Variants in ZNF587B observed in about 807,000 individuals in gnomAD.
The protein encoded by ZNF587B is zinc finger protein 587B.
Under a neutral mutation model 7.2 loss-of-function variants are expected in ZNF587B, and 6 were observed. The ratio of observed to expected loss-of-function variants is 0.83; its 90% CI spans 0.46 to 1.65. The LOEUF is 1.65. ZNF587B is among the 40% of genes most tolerant of loss of function. ZNF587B has a pLI of 0.01. For missense variants in ZNF587B, 749 were observed against 761.0 expected (o/e 0.98, Z 0.19); for synonymous variants, 274 against 254.3 (o/e 1.08, Z -0.74).
Position 57,842,451 on chromosome 19 carries a change from C to G in ZNF587B, c.1777C>G (p.Leu593Val), listed in dbSNP as rs557191025. 2.1e-4 allele frequency: 344 copies of G among 1,602,246 alleles called. No individual in the cohort carries two copies. The highest frequency in any genetic ancestry group is 6.6e-4 in the Admixed American group (38 of 57,908). The change falls in exon 3 of 3, where the codon CTC (leucine) becomes GTC (valine). Residue 593 changes from leucine (L) to valine (V), a missense_variant. Physicochemically the swap from Leu to Val is conservative, Grantham distance 32. Around this residue, in one of 3 missense-constraint regions of ZNF587B, gnomAD observed 656 missense variants for 596.5 expected, o/e 1.10. Coordinates refer to ENST00000594901, the MANE Select transcript of ZNF587B (RefSeq NM_001376223.1). ...CGKSFAGISSLTNHRRVHTGE... is the reference protein window; with the variant it reads ...CGKSFAGISSVTNHRRVHTGE... ...GAAATCTTTTGCTGGAATCTCCAGT[C>G]TCACTAATCACAGGAGAGTTCACAC...
At position 57,840,442 on chromosome 19, in the gene ZNF587B, G is replaced by A. The variant is rs1362174475; in HGVS notation, c.164-396G>A. On this transcript the variant is annotated intron_variant, in intron 2 of 2. Transcript: ENST00000594901. ...TTTGCATAGAGATTTGTGTTAGCAA[G>A]TATATACGCTTTGTTACAAACTGTC... Among the ~76,000 whole-genome samples the A allele has an allele frequency of 1.7e-4, 26 of 152,208 alleles. No individual in the cohort carries two copies. In the East Asian group the frequency reaches 3.3e-3, roughly 19 times the overall value.
chr19:57,831,217 C>G (rs1468003367), intron 1 of ZNF587B, among the ~76,000 whole-genome samples: 3 of 151,988 alleles, frequency 2.0e-5, no homozygotes, highest in Non-Finnish European at 4.4e-5. Context: ...GTCTGGCTCT[C>G]TTATGTAAGG....
Position 57,842,652 on chromosome 19 carries a change from G to C in ZNF587B, c.*76G>C. On this transcript the variant is annotated 3_prime_UTR_variant, in exon 3 of 3. Coordinates refer to ENST00000594901, the MANE Select transcript of ZNF587B (RefSeq NM_001376223.1). ...GTAAGATCTTGTGATTGCAGCAAATGTGGAAAATGTTTACCCAAAAGAAGT... is the reference window on the plus strand; with the variant it reads ...GTAAGATCTTGTGATTGCAGCAAATCTGGAAAATGTTTACCCAAAAGAAGT... 7.4e-7 allele frequency: 1 copy of C among 1,347,680 alleles called. No homozygotes were observed. The highest frequency in any genetic ancestry group is 9.5e-7 in the Non-Finnish European group (1 of 1,052,794). The allele number at this position is 1,347,680 out of a possible 1,614,324, so 83.5% of individuals were successfully genotyped here.
intron 2 of ZNF587B, 120 bp downstream of exon 2, chr19:57,839,269 G>T (rs1600107087): frequency 6.7e-7 from 1 of 1,484,564 alleles, no homozygotes; most frequent in African/African-American, 1.4e-5. Flanking sequence ...CAGTTCTATG[G>T]GTAGGTTCTT....
In ZNF587B at chr19:57,842,206, C is replaced by T. The variant is rs1988888250; in HGVS notation, c.1532C>T (p.Ala511Val). The change falls in exon 3 of 3, where the codon GCA becomes GTA. Residue 511 changes from alanine (A) to valine (V), a missense_variant. Ala to Val is a moderately conservative substitution (Grantham distance 64). Transcript: ENST00000594901. ...KFFRHKCHLT[A>V]HQRVHTGERP... is the part of the protein sequence containing the mutation. Reference sequence around the variant, plus strand: ...TTTAGGCACAAGTGCCACCTCACTGCACACCAGAGAGTTCACACTGGAGAA... The same window carrying T: ...TTTAGGCACAAGTGCCACCTCACTGTACACCAGAGAGTTCACACTGGAGAA... 1 of 1,613,482 alleles carries T rather than the reference C, an allele frequency of 6.2e-7. No individual in the cohort carries two copies. Among genetic ancestry groups the T allele is most frequent in the South Asian group, 1.1e-5 (1 of 90,998 alleles).
At chr19:57,835,347 G>GT (rs1175090754) in intron 1 of ZNF587B, among the ~76,000 whole-genome samples, 1 of 126,896 alleles carries the variant, frequency 7.9e-6, no homozygotes, top group Non-Finnish European at 1.7e-5. Flanking sequence ...GACGCTGGGG[G>GT]TTTTTTGTTT....
At position 57,837,820 on chromosome 19, in the gene ZNF587B, G is replaced by C. The variant is rs144286785; in HGVS notation, c.37-1203G>C. On this transcript the variant is annotated intron_variant, in intron 1 of 2. Transcript: ENST00000594901. ...GGCTGGTCTCAAACTCCTGACCTCA[G>C]GCGATCCACCCGGCTCAGCCTCCTA... Among the ~76,000 whole-genome samples, 1,369 of 151,730 alleles carry C rather than the reference G, an allele frequency of 9.0e-3. 27 individuals carry two copies. Among genetic ancestry groups the C allele is most frequent in the African/African-American group, 0.031 (1,282 of 41,364 alleles).
intron 1 of ZNF587B, among the ~76,000 whole-genome samples, chr19:57,838,028 G>A (rs1279190095): frequency 6.6e-6 from 1 of 152,124 alleles, no homozygotes; most frequent in Non-Finnish European, 1.5e-5. Flanking sequence ...CTTTAAGTTG[G>A]CTGGACACAG....
rs1346560805 is a variant in ZNF587B at position 57,841,861 on chromosome 19, A to T, written c.1187A>T (p.His396Leu). ...ECGKSYISKG[H>L]LRIHQRMHTG... is the part of the protein sequence containing the mutation. The stretch of plus-strand genomic sequence containing the variant: ...GGGAAATCTTATATTTCAAAGGGGC[A>T]CCTTAGGATCCATCAGCGCATGCAC... The change falls in exon 3 of 3, where the codon CAC becomes CTC. Residue 396 changes from histidine (H) to leucine (L), a missense_variant. Transcript: ENST00000594901. 5 of 1,612,848 alleles carry T rather than the reference A, an allele frequency of 3.1e-6. No homozygotes were observed. Among genetic ancestry groups the T allele is most frequent in the Non-Finnish European group, 4.2e-6 (5 of 1,179,692 alleles).
Position 57,842,275 on chromosome 19 carries a change from G to A in ZNF587B, c.1601G>A (p.Ser534Asn), listed in dbSNP as rs1312841736. The A allele has an allele frequency of 6.2e-7, 1 of 1,613,170 alleles. No individual in the cohort carries two copies. The highest frequency in any genetic ancestry group is 8.5e-7 in the Non-Finnish European group (1 of 1,179,428). Residue 534 changes from serine to asparagine, a missense_variant, in exon 3 of 3, where the codon AGC becomes AAC. Ser to Asn is a conservative substitution (Grantham distance 46, BLOSUM62 1). Transcript: ENST00000594901. ...CSDCGKSFTHSCAFIVHKRVH... is the reference protein window; with the variant it reads ...CSDCGKSFTHNCAFIVHKRVH... ...GATTGTGGGAAGTCATTTACCCACA[G>A]CTGTGCATTCATTGTTCATAAGAGA...
In ZNF587B at chr19:57,845,123, CATGCCACCACACCACT is replaced by C. The variant is rs1276615300; in HGVS notation, c.*2549_*2564del. On this transcript the variant is annotated 3_prime_UTR_variant, in exon 3 of 3. Transcript: ENST00000594901. ...ACCCAAGTAGCTAGAATTACAGGTG[CATGCCACCACACCACT>C]AATGTTTTGTGGTTTTAGTAGAGAC... The C allele has an allele frequency of 6.6e-6, 1 of 152,100 alleles. No homozygotes were observed. Among genetic ancestry groups the C allele is most frequent in the African/African-American group, 2.4e-5 (1 of 41,404 alleles). The allele number at this position is 152,100 out of a possible 1,614,324, so 9.4% of individuals were successfully genotyped here. A position where few individuals can be genotyped will look rare whatever the true frequency, so the allele number is the denominator to read the frequency against.
At chr19:57,831,547 T>C (rs1238149960) in intron 1 of ZNF587B, among the ~76,000 whole-genome samples, 1 of 148,648 alleles carries the variant, frequency 6.7e-6, no homozygotes, top group African/African-American at 2.5e-5. Flanking sequence ...CATGCGCCAC[T>C]GCACCTGGCT....
At chr19:57,831,154 C>T (rs1988374249) in intron 1 of ZNF587B, among the ~76,000 whole-genome samples, 1 of 152,084 alleles carries the variant, frequency 6.6e-6, no homozygotes, top group African/African-American at 2.4e-5. Context: ...TCAGCTTGCA[C>T]AAGTTAAGTC....
At chr19:57,838,072 G>C (rs1001194557) in intron 1 of ZNF587B, among the ~76,000 whole-genome samples, 11 of 152,090 alleles carry the variant, frequency 7.2e-5, no homozygotes, top group Non-Finnish European at 1.5e-4. Flanking sequence ...ACTTTGGGAA[G>C]CTGAGGTGGG....
intron 1 of ZNF587B, among the ~76,000 whole-genome samples, chr19:57,836,527 G>C (rs112311670): frequency 6.6e-6 from 1 of 151,912 alleles, no homozygotes; most frequent in Non-Finnish European, 1.5e-5. Flanking sequence ...TTTTTCTCTC[G>C]TGTATGTATG....
intron 1 of ZNF587B, 37 bp from the exon 2 acceptor site, chr19:57,838,986 G>A (rs752094338): frequency 3.7e-6 from 6 of 1,605,432 alleles, no homozygotes; most frequent in Middle Eastern, 1.7e-4. Context: ...CTCAGCATAG[G>A]GGTGGTTTGT....
intron 1 of ZNF587B, among the ~76,000 whole-genome samples, chr19:57,836,529 GTA>G (rs1358272038): frequency 6.6e-6 from 1 of 152,040 alleles, no homozygotes; most frequent in African/African-American, 2.4e-5. Flanking sequence ...TTTCTCTCGT[GTA>G]TGTATGTAGA....
intron 1 of ZNF587B, among the ~76,000 whole-genome samples, chr19:57,837,173 T>G (rs1218545344): frequency 6.6e-6 from 1 of 152,110 alleles, no homozygotes; most frequent in Non-Finnish European, 1.5e-5. Context: ...ATGGCCGTGG[T>G]TGCTCTCTTT....
At position 57,845,291 on chromosome 19, in the gene ZNF587B, C is replaced by T. The variant is rs1399261602; in HGVS notation, c.*2715C>T. ...CGCTGTGTTTGGCTGAAATGTATGT[C>T]TTTTAAAGGAGTGTCCACAGTTATC... is the stretch of plus-strand genomic sequence containing the variant. On this transcript the variant is annotated 3_prime_UTR_variant, in exon 3 of 3. Transcript: ENST00000594901. The T allele has an allele frequency of 6.6e-6, 1 of 152,140 alleles. No homozygotes were observed. The highest frequency in any genetic ancestry group is 1.5e-5 in the Non-Finnish European group (1 of 68,044). The allele number at this position is 152,140 out of a possible 1,614,324, so 9.4% of individuals were successfully genotyped here.
Sources: allele counts gnomAD v4.1 joint callset (sites outside exome capture counted in the v4.1 genomes callset), GRCh38; gene constraint gnomAD v4.1.1; regional missense constraint gnomAD v4.1.1; transcripts MANE v1.5; gene names NCBI Gene and HGNC (gene_info 2026-07-23, HGNC 2026-07-21).